Variants in STXBP5L observed in about 807,000 individuals in gnomAD.
The protein encoded by STXBP5L is syntaxin-binding protein 5-like.
STXBP5L carries 65 observed loss-of-function variants against 144.5 expected under a neutral mutation model. The observed-to-expected ratio is 0.45, with a 90% CI of 0.37 to 0.55. The LOEUF (loss-of-function observed/expected upper bound fraction) is 0.55, where lower values mean the gene tolerates loss of function less well. STXBP5L is among the 20% of genes least tolerant of loss of function. The pLI is 0.00. For missense variants in STXBP5L, 1,298 were observed against 1,405.5 expected, an observed-to-expected ratio of 0.92 and a Z score of 1.22; for synonymous variants, 505 against 469.6, an observed-to-expected ratio of 1.08 and a Z score of -0.97.
chr3:121,333,147 C>T (rs2044381806), intron 20 of STXBP5L, among the ~76,000 whole-genome samples: 1 of 152,104 alleles, frequency 6.6e-6, no homozygotes, highest in South Asian at 2.1e-4. Flanking sequence ...GGCTTAAACT[C>T]ACAGGTCCTA....
intron 7 of STXBP5L, among the ~76,000 whole-genome samples, chr3:121,134,617 C>T (rs893421974): frequency 8.6e-5 from 13 of 151,966 alleles, no homozygotes; most frequent in African/African-American, 2.2e-4. Flanking sequence ...CAAGTGTTCT[C>T]ATTGTTCAAT....
chr3:121,360,010 A>T (rs2045658671), intron 20 of STXBP5L, among the ~76,000 whole-genome samples: 1 of 143,304 alleles, frequency 7.0e-6, no homozygotes, highest in Admixed American at 7.1e-5. Flanking sequence ...ATTACTATAT[A>T]ATATAATATA....
intron 5 of STXBP5L, among the ~76,000 whole-genome samples, chr3:121,092,983 A>C (rs368463213): frequency 6.6e-6 from 1 of 152,080 alleles, no homozygotes; most frequent in East Asian, 1.9e-4. Context: ...TAGCATGAAG[A>C]GTTGTTGAAT....
chr3:121,199,898 A>G (rs1033407129), intron 9 of STXBP5L, among the ~76,000 whole-genome samples: 2 of 152,092 alleles, frequency 1.3e-5, no homozygotes, highest in African/African-American at 2.4e-5. Flanking sequence ...TATTTTATTG[A>G]AGATTTTTGT....
At chr3:121,185,127 G>A (rs541085314) in intron 9 of STXBP5L, among the ~76,000 whole-genome samples, 16 of 152,200 alleles carry the variant, frequency 1.1e-4, no homozygotes, top group Admixed American at 7.2e-4. Flanking sequence ...AAAGACCATC[G>A]ACACTCTGAA....
At chr3:121,361,354 G>A (rs2045706508) in intron 20 of STXBP5L, among the ~76,000 whole-genome samples, 1 of 152,100 alleles carries the variant, frequency 6.6e-6, no homozygotes, top group South Asian at 2.1e-4. Context: ...GAAGCTCTCT[G>A]TTATTATTCC....
At chr3:121,226,652 C>A (rs895322757) in intron 11 of STXBP5L, among the ~76,000 whole-genome samples, 1 of 152,072 alleles carries the variant, frequency 6.6e-6, no homozygotes, top group South Asian at 2.1e-4. Flanking sequence ...TAGTTATAAC[C>A]AAATGTTAGA....
chr3:121,152,395 A>T, intron 7 of STXBP5L, 82 bp from the exon 8 acceptor site: 1 of 1,000,952 alleles, frequency 1.0e-6, no homozygotes, highest in Non-Finnish European at 1.5e-6. Flanking sequence ...GTATGATTTT[A>T]CTTTATTAAC....
chr3:121,259,839 A>G (rs937997032), intron 18 of STXBP5L, among the ~76,000 whole-genome samples: 1 of 151,606 alleles, frequency 6.6e-6, no homozygotes, highest in African/African-American at 2.4e-5. Context: ...AATGAACATT[A>G]TAATTTGAGG....
intron 20 of STXBP5L, among the ~76,000 whole-genome samples, chr3:121,359,784 C>T (rs770015733): frequency 4.6e-5 from 7 of 151,674 alleles, no homozygotes; most frequent in Non-Finnish European, 8.8e-5. Context: ...TCTGGATTCT[C>T]TATTCTGTCC....
chr3:120,962,757 C>A (rs182958996), intron 3 of STXBP5L, among the ~76,000 whole-genome samples: 38 of 152,262 alleles, frequency 2.5e-4, no homozygotes, highest in African/African-American at 8.4e-4. Context: ...CTTGGCAATG[C>A]AGGCCCTTTT....
At chr3:121,359,238 C>T (rs911770270) in intron 20 of STXBP5L, among the ~76,000 whole-genome samples, 18 of 152,042 alleles carry the variant, frequency 1.2e-4, no homozygotes, top group African/African-American at 4.3e-4. Flanking sequence ...AGCCTGTTTT[C>T]CATTTGTACG....
At chr3:121,214,202 T>C (rs1374334009) in intron 10 of STXBP5L, among the ~76,000 whole-genome samples, 1 of 152,226 alleles carries the variant, frequency 6.6e-6, no homozygotes, top group African/African-American at 2.4e-5. Flanking sequence ...CATGTCTCTA[T>C]CTCCTTCAGT....
chr3:121,173,650 C>T (rs1019496035), intron 9 of STXBP5L, among the ~76,000 whole-genome samples: 2 of 151,664 alleles, frequency 1.3e-5, no homozygotes, highest in African/African-American at 2.4e-5. Context: ...TATACTGTAC[C>T]CTTAGAGAAA....
intron 5 of STXBP5L, among the ~76,000 whole-genome samples, chr3:121,056,822 A>T (rs1948492327): frequency 6.6e-6 from 1 of 151,830 alleles, no homozygotes; most frequent in Admixed American, 6.6e-5. Context: ...TTTCTTTCTT[A>T]TATGTACATA....
At chr3:121,054,013 G>C (rs535829125) in intron 5 of STXBP5L, among the ~76,000 whole-genome samples, 1 of 152,160 alleles carries the variant, frequency 6.6e-6, no homozygotes, top group Non-Finnish European at 1.5e-5. Context: ...CTGGCCATCA[G>C]AGAAATGCAA....
chr3:121,332,861 G>T, intron 20 of STXBP5L, among the ~76,000 whole-genome samples: 1 of 147,550 alleles, frequency 6.8e-6, no homozygotes, highest in South Asian at 2.1e-4. Context: ...TGATAAGAAC[G>T]TGAAAAAAAA....
In STXBP5L at chr3:121,157,530, T is replaced by C; in HGVS notation, c.780T>C (p.His260=). Residue 260 remains histidine (H), a synonymous_variant, in exon 9 of 27, where the codon CAT becomes CAC. Transcript: ENST00000471454. ...CTATTCATTCAATTGATTGGCATCA[T>C]GAGGGCAAACAGTTCATGTGCAGCC... ...DEAIHSIDWH[H]EGKQFMCSHS... is the part of the protein sequence containing the mutation. 1 of 1,586,986 alleles carries C rather than the reference T, an allele frequency of 6.3e-7. No individual in the cohort carries two copies. The highest frequency in any genetic ancestry group is 8.5e-7 in the Non-Finnish European group (1 of 1,170,468).
intron 2 of STXBP5L, among the ~76,000 whole-genome samples, chr3:120,933,588 T>C (rs1352611232): frequency 6.6e-6 from 1 of 152,172 alleles, no homozygotes; most frequent in African/African-American, 2.4e-5. Flanking sequence ...TTAATCATAC[T>C]CAGAAACTTA....
Sources: allele counts gnomAD v4.1 joint callset (sites outside exome capture counted in the v4.1 genomes callset), GRCh38; gene constraint gnomAD v4.1.1; transcripts MANE v1.5; gene names NCBI Gene and HGNC (gene_info 2026-07-23, HGNC 2026-07-21).